NEK6: variants seen among roughly 807,000 people sequenced by gnomAD.
NEK6 encodes the protein NIMA related kinase 6, also known as serine/threonine-protein kinase Nek6.
NEK6 carries 27 observed loss-of-function variants against 43.5 expected under a neutral mutation model. The ratio of observed to expected loss-of-function variants is 0.62; its 90% CI spans 0.46 to 0.86. The LOEUF is 0.86. Ranked by LOEUF, NEK6 falls within the 40% of genes least tolerant of loss-of-function variation. The pLI is 0.00. For missense variants in NEK6, 318 were observed against 414.4 expected, an observed-to-expected ratio of 0.77 and a Z score of 2.02; for synonymous variants, 167 against 164.1, an observed-to-expected ratio of 1.02 and a Z score of -0.14.
At chr9:124,280,715 C>T (rs759115156) in intron 1 of NEK6, among the ~76,000 whole-genome samples, 4 of 152,206 alleles carry the variant, frequency 2.6e-5, no homozygotes, top group Non-Finnish European at 5.9e-5. Flanking sequence ...ATGAGGGGAC[C>T]CTGCAGAGAG....
At chr9:124,330,653 A>T (rs965969875) in intron 7 of NEK6, among the ~76,000 whole-genome samples, 4 of 152,250 alleles carry the variant, frequency 2.6e-5, no homozygotes, top group African/African-American at 9.6e-5. Context: ...CTGAGGCGCA[A>T]ACCCCTTCCT....
Position 124,258,031 on chromosome 9 carries a change from G to T in NEK6, c.-84G>T. 1.0e-6 allele frequency: 1 copy of T among 979,050 alleles called. No homozygotes were observed. The allele number at this position is 979,050 out of a possible 1,614,324, so 60.6% of individuals were successfully genotyped here. A position where few individuals can be genotyped will look rare whatever the true frequency, so the allele number is the denominator to read the frequency against. On this transcript the variant is annotated 5_prime_UTR_variant, in exon 1 of 10. Coordinates refer to ENST00000320246, the MANE Select transcript of NEK6 (RefSeq NM_014397.6). ...TCGTGTGGGACGCACCGCTCCAGCC[G>T]CCCGCGGGCCAGCGCACCGGTCCCC... is the stretch of plus-strand genomic sequence containing the variant.
intron 9 of NEK6, among the ~76,000 whole-genome samples, chr9:124,350,507 CA>C: frequency 2.6e-5 from 1 of 38,192 alleles, no homozygotes; most frequent in African/African-American, 1.4e-4. Context: ...AGCAGACACA[CA>C]CACACACACA....
At chr9:124,276,263 G>T (rs541714480) in intron 1 of NEK6, among the ~76,000 whole-genome samples, 1 of 152,248 alleles carries the variant, frequency 6.6e-6, no homozygotes, top group South Asian at 2.1e-4. Context: ...GGCTTCAGTG[G>T]CTCCAGAGTC....
chr9:124,317,139 T>C (rs1349256776), intron 4 of NEK6, among the ~76,000 whole-genome samples: 1 of 152,170 alleles, frequency 6.6e-6, no homozygotes, highest in Non-Finnish European at 1.5e-5. Context: ...CTTTTTTTGG[T>C]AACTGAAAAA....
chr9:124,288,213 C>G (rs199828268), intron 1 of NEK6, among the ~76,000 whole-genome samples: 1 of 152,200 alleles, frequency 6.6e-6, no homozygotes, highest in Non-Finnish European at 1.5e-5. Context: ...ATCGCTGTTG[C>G]GTGAGGGCTG....
intron 1 of NEK6, among the ~76,000 whole-genome samples, chr9:124,267,360 C>T (rs1043213048): frequency 4.6e-5 from 7 of 152,180 alleles, no homozygotes; most frequent in Admixed American, 2.6e-4. Flanking sequence ...CAGGTCCGGT[C>T]GAGTCCGCCT....
At chr9:124,315,935 C>T (rs1014753091) in intron 4 of NEK6, among the ~76,000 whole-genome samples, 19 of 152,200 alleles carry the variant, frequency 1.2e-4, no homozygotes, top group Non-Finnish European at 2.1e-4. Context: ...ACAACAGGGA[C>T]GCTGGAGGAG....
In NEK6 at chr9:124,352,368, C is replaced by G. The variant is rs1329863470; in HGVS notation, c.*1421C>G. On this transcript the variant is annotated 3_prime_UTR_variant, in exon 10 of 10. Transcript: ENST00000320246. Reference sequence around the variant, plus strand: ...GACAGTCTCTCCATATGCAGCCTTTCCTCTGTACTTTTCTCCATGGTTGAA... The same window carrying G: ...GACAGTCTCTCCATATGCAGCCTTTGCTCTGTACTTTTCTCCATGGTTGAA... The G allele has an allele frequency of 6.6e-6, 1 of 152,206 alleles. No homozygotes were observed. The highest frequency in any genetic ancestry group is 1.5e-5 in the Non-Finnish European group (1 of 68,044). 9.4% of individuals were successfully genotyped at this position (152,206 alleles called of 1,614,324 possible). A position where few individuals can be genotyped will look rare whatever the true frequency, so the allele number is the denominator to read the frequency against.
intron 1 of NEK6, among the ~76,000 whole-genome samples, chr9:124,297,121 A>G (rs769731661): frequency 2.8e-4 from 42 of 152,222 alleles, no homozygotes; most frequent in Non-Finnish European, 4.7e-4. Context: ...TGCGTAGGAC[A>G]TAGAGCAGCA....
chr9:124,288,656 G>A (rs756534763), intron 1 of NEK6, among the ~76,000 whole-genome samples: 5 of 152,182 alleles, frequency 3.3e-5, no homozygotes, highest in Non-Finnish European at 7.4e-5. Flanking sequence ...TTACCTGCAT[G>A]TAAAGTACCT....
chr9:124,286,363 C>T (rs1047357654), intron 1 of NEK6: 2 of 152,234 alleles, frequency 1.3e-5, no homozygotes, highest in Middle Eastern at 3.1e-3. Context: ...ACCAATCCCC[C>T]AGCCTCAGGT....
chr9:124,273,485 ACGTGTGTCTGTGACAGCAGAGGGGCC>A (rs1205920233), intron 1 of NEK6, among the ~76,000 whole-genome samples: 1 of 152,208 alleles, frequency 6.6e-6, no homozygotes, highest in Non-Finnish European at 1.5e-5. Flanking sequence ...CAGTCAGGGC[ACGTGTGTCTGTGACAGCAGAGGGGCC>A]CGTATCCACC....
chr9:124,298,124 A>G (rs954465472), intron 1 of NEK6, among the ~76,000 whole-genome samples: 1 of 152,204 alleles, frequency 6.6e-6, no homozygotes, highest in Non-Finnish European at 1.5e-5. Context: ...CGGTTTCCCC[A>G]TCTATAAAAT....
chr9:124,292,351 T>TC, intron 1 of NEK6: 2 of 1,488,818 alleles, frequency 1.3e-6, no homozygotes, highest in Non-Finnish European at 1.8e-6. Flanking sequence ...CATTGAGTAA[T>TC]CCCTGGGCTT....
intron 2 of NEK6, among the ~76,000 whole-genome samples, chr9:124,312,183 C>T (rs960109013): frequency 9.9e-5 from 15 of 152,236 alleles, no homozygotes; most frequent in African/African-American, 2.7e-4. Context: ...GGGCAACGCC[C>T]GTGGTCCCAC....
chr9:124,269,596 C>A (rs548035592), intron 1 of NEK6, among the ~76,000 whole-genome samples: 2 of 152,064 alleles, frequency 1.3e-5, no homozygotes, highest in South Asian at 4.2e-4. Flanking sequence ...AGGCTGGTCT[C>A]GAGTGATCCG....
chr9:124,313,007 C>T (rs1833615364), intron 3 of NEK6, among the ~76,000 whole-genome samples: 1 of 152,144 alleles, frequency 6.6e-6, no homozygotes, highest in Admixed American at 6.5e-5. Context: ...GAGGTTCATA[C>T]CATGTCCACC....
chr9:124,315,788 T>C (rs553098167), intron 4 of NEK6, among the ~76,000 whole-genome samples: 1 of 152,292 alleles, frequency 6.6e-6, no homozygotes, highest in South Asian at 2.1e-4. Context: ...TGGTCCCTTC[T>C]CCAGGGCTGC....
Sources: gnomAD v4.1 joint callset for allele counts (sites outside exome capture counted in the v4.1 genomes callset) on GRCh38, gnomAD v4.1.1 for gene constraint, MANE v1.5 for transcripts, NCBI Gene and HGNC (gene_info 2026-07-23, HGNC 2026-07-21) for gene names.